The following RIT2 variants were observed in gnomAD, a reference collection of about 807,000 sequenced individuals.
The protein encoded by RIT2 is GTP-binding protein Rit2.
A neutral mutation model predicts 23.7 loss-of-function variants in RIT2; 24 were observed. That is an observed-to-expected ratio of 1.01 (90% CI 0.73 to 1.43). The LOEUF (loss-of-function observed/expected upper bound fraction) is 1.43. Among genes scored for constraint, RIT2 ranks in the 40% most tolerant of loss-of-function variants. The pLI is 0.00. For missense variants in RIT2, 236 were observed against 266.9 expected (o/e 0.88, Z 0.81); for synonymous variants, 107 against 91.1 (o/e 1.17, Z -0.99).
At chr18:43,090,629 A>G (rs964490946) in intron 1 of RIT2, among the ~76,000 whole-genome samples, 1 of 152,078 alleles carries the variant, frequency 6.6e-6, no homozygotes, top group African/African-American at 2.4e-5. Flanking sequence ...ATGTCCAATA[A>G]CGGTAGACTG....
intron 4 of RIT2, among the ~76,000 whole-genome samples, chr18:42,844,043 T>TAACTCAA (rs1906839925): frequency 6.6e-6 from 1 of 152,186 alleles, no homozygotes; most frequent in African/African-American, 2.4e-5. Context: ...TTTGGACTCA[T>TAACTCAA]AACAGGGGTA....
intron 4 of RIT2, among the ~76,000 whole-genome samples, chr18:42,764,052 G>C (rs561271680): frequency 2.6e-5 from 4 of 152,294 alleles, no homozygotes; most frequent in African/African-American, 9.6e-5. Context: ...GGTATAAGGT[G>C]AGTGACACTA....
At chr18:42,844,047 AGG>A (rs1906840211) in intron 4 of RIT2, among the ~76,000 whole-genome samples, 1 of 152,198 alleles carries the variant, frequency 6.6e-6, no homozygotes, top group African/African-American at 2.4e-5. Context: ...GACTCATAAC[AGG>A]GGTATATGTT....
chr18:43,024,738 A>AACG lies in RIT2; in HGVS notation c.160+9072_160+9073insCGT, dbSNP rs1482523971. 2.6e-5 allele frequency among the ~76,000 whole-genome samples: 4 copies of AACG among 152,146 alleles called. No homozygotes were observed. The South Asian group carries it at 8.3e-4, about 32-fold the overall frequency. ...CAACAACAACAACAACAACAACAAC[A>AACG]ACAACAAAATAGCTCATTATAAAGT... On this transcript the variant is annotated intron_variant, in intron 2 of 4. Coordinates refer to ENST00000326695, the MANE Select transcript of RIT2 (RefSeq NM_002930.4).
At chr18:42,843,912 T>C (rs192617925) in intron 4 of RIT2, among the ~76,000 whole-genome samples, 5 of 152,216 alleles carry the variant, frequency 3.3e-5, no homozygotes, top group Admixed American at 3.3e-4. Flanking sequence ...AATAAAAACA[T>C]TTGAGTAAGA....
At chr18:42,993,881 C>A (rs1910914284) in intron 2 of RIT2, among the ~76,000 whole-genome samples, 1 of 152,128 alleles carries the variant, frequency 6.6e-6, no homozygotes, top group Non-Finnish European at 1.5e-5. Context: ...CATCCCACAG[C>A]ATGCTTTAAA....
chr18:42,816,391 G>A (rs1161802591), intron 4 of RIT2, among the ~76,000 whole-genome samples: 1 of 152,146 alleles, frequency 6.6e-6, no homozygotes, highest in Non-Finnish European at 1.5e-5. Context: ...CACCTAGGAA[G>A]GCTAGATATT....
At chr18:43,055,542 A>C (rs183731818) in intron 1 of RIT2, among the ~76,000 whole-genome samples, 1 of 152,278 alleles carries the variant, frequency 6.6e-6, no homozygotes. Context: ...ATGATTAAAT[A>C]AAATATATTC....
At chr18:43,015,747 T>C (rs561832771) in intron 2 of RIT2, among the ~76,000 whole-genome samples, 1 of 151,792 alleles carries the variant, frequency 6.6e-6, no homozygotes, top group Admixed American at 6.6e-5. Context: ...AGCCATAAGC[T>C]GTGGGATTAT....
intron 1 of RIT2, among the ~76,000 whole-genome samples, chr18:43,077,231 T>C (rs941339424): frequency 2.6e-5 from 4 of 152,138 alleles, no homozygotes; most frequent in African/African-American, 9.6e-5. Context: ...ATAGAAAATG[T>C]GCCTGAGTGT....
chr18:42,881,694 G>T (rs771618766), intron 4 of RIT2, among the ~76,000 whole-genome samples: 3 of 152,174 alleles, frequency 2.0e-5, no homozygotes, highest in Admixed American at 1.3e-4. Flanking sequence ...GATCTAAGAA[G>T]CATTCTCAGC....
intron 1 of RIT2, among the ~76,000 whole-genome samples, chr18:43,045,860 A>G (rs1312094983): frequency 6.6e-6 from 1 of 151,846 alleles, no homozygotes; most frequent in Non-Finnish European, 1.5e-5. Context: ...CTGAAAATGG[A>G]GGATGCACCA....
At chr18:43,106,478 A>C (rs1913825242) in intron 1 of RIT2, among the ~76,000 whole-genome samples, 1 of 152,204 alleles carries the variant, frequency 6.6e-6, no homozygotes, top group African/African-American at 2.4e-5. Context: ...TAATTGTTAA[A>C]AATCTTTATT....
intron 4 of RIT2, among the ~76,000 whole-genome samples, chr18:42,869,759 A>G (rs1907573457): frequency 6.6e-6 from 1 of 152,220 alleles, no homozygotes; most frequent in Admixed American, 6.5e-5. Flanking sequence ...TGACCACAGT[A>G]AAACTCATAA....
At chr18:42,839,388 ATG>A (rs1456683712) in intron 4 of RIT2, among the ~76,000 whole-genome samples, 1 of 152,184 alleles carries the variant, frequency 6.6e-6, no homozygotes, top group African/African-American at 2.4e-5. Flanking sequence ...CTTGAGAGCC[ATG>A]TGTTTTCTCA....
chr18:42,913,833 C>T (rs1327432793), intron 4 of RIT2, among the ~76,000 whole-genome samples: 1 of 151,846 alleles, frequency 6.6e-6, no homozygotes, highest in Non-Finnish European at 1.5e-5. Flanking sequence ...TTGTAAATAA[C>T]CAAGAGTAGA....
At chr18:43,057,414 T>C (rs1912529564) in intron 1 of RIT2, among the ~76,000 whole-genome samples, 1 of 152,194 alleles carries the variant, frequency 6.6e-6, no homozygotes, top group African/African-American at 2.4e-5. Flanking sequence ...TCCAGGATTT[T>C]CATTCCAAAT....
intron 4 of RIT2, among the ~76,000 whole-genome samples, chr18:42,781,547 T>C (rs572262184): frequency 3.3e-5 from 5 of 152,276 alleles, no homozygotes; most frequent in Admixed American, 2.6e-4. Flanking sequence ...AAGGTCAGGA[T>C]TGTGCTCCAC....
chr18:42,900,976 C>CTT (rs112526862), intron 4 of RIT2, among the ~76,000 whole-genome samples: 11 of 150,706 alleles, frequency 7.3e-5, no homozygotes, highest in Non-Finnish European at 1.0e-4. Flanking sequence ...TTTTATTTGG[C>CTT]TTTTTTTTTA....
Sources: gnomAD v4.1 joint callset for allele counts (sites outside exome capture counted in the v4.1 genomes callset) on GRCh38, gnomAD v4.1.1 for gene constraint, MANE v1.5 for transcripts, NCBI Gene and HGNC (gene_info 2026-07-23, HGNC 2026-07-21) for gene names.